The following PADI6 variants were observed in gnomAD, a reference collection of about 807,000 sequenced individuals.
The protein encoded by PADI6 is peptidyl arginine deiminase 6.
Under a neutral mutation model 78.2 loss-of-function variants are expected in PADI6, and 66 were observed. The observed-to-expected ratio is 0.84, with a 90% CI of 0.69 to 1.04. The LOEUF is 1.04. Among genes scored for constraint, PADI6 ranks in the 50% least tolerant of loss-of-function variants. The probability of loss-of-function intolerance (pLI) is 0.00; values close to 1 mark genes in which losing one functional copy is unlikely to be tolerated. For synonymous variants in PADI6, 397 were observed against 346.9 expected, an observed-to-expected ratio of 1.14 and a Z score of -1.60; for missense variants, 854 against 866.1, an observed-to-expected ratio of 0.99 and a Z score of 0.18.
chr1:17,395,209 T>TG (rs2075234328), intron 12 of PADI6, 102 bp downstream of exon 12: 2 of 1,394,858 alleles, frequency 1.4e-6, no homozygotes, highest in South Asian at 2.8e-5. Flanking sequence ...GTTTTTTTTT[T>TG]TTTTTGTTTG....
intron 7 of PADI6, 51 bp from the exon 8 acceptor site, chr1:17,388,726 G>A: frequency 6.4e-7 from 1 of 1,562,518 alleles, no homozygotes; most frequent in Non-Finnish European, 8.8e-7. Flanking sequence ...GGTAAGAGGG[G>A]AGCGAGTAAA....
rs1443729435 is a variant in PADI6 at position 17,397,113 on chromosome 1, G to A, written c.1661G>A (p.Ser554Asn). 4 of 1,613,822 alleles carry A rather than the reference G, an allele frequency of 2.5e-6. No individual in the cohort carries two copies. The highest frequency in any genetic ancestry group is 3.4e-6 in the Non-Finnish European group (4 of 1,179,876). ...KTIDQLLADE[S>N]LKKQNEYVEK... is the part of the protein sequence containing the mutation. ...ATCGACCAACTTCTGGCTGATGAAA[G>A]CCTGAAGAAGCAGAATGAATACGTG... The change falls in exon 14 of 16, where the codon AGC becomes AAC. Residue 554 changes from serine to asparagine, a missense_variant. By Grantham distance (46) the Ser-to-Asn change is conservative. Coordinates refer to ENST00000619609, the MANE Select transcript of PADI6 (RefSeq NM_207421.4).
In PADI6 at chr1:17,394,056, G is replaced by T. The variant is rs754193133; in HGVS notation, c.1156G>T (p.Asp386Tyr). The change falls in exon 10 of 16, where the codon GAT becomes TAT. Residue 386 changes from aspartate (D) to tyrosine (Y), a missense_variant. Transcript: ENST00000619609. ...ILDTPQAADL[D>Y]EFPMKYSLSP... ...CGACACACCTCAGGCCGCCGATCTC[G>T]ATGAGTTCCCCATGAAGTACTCACT... is the stretch of plus-strand genomic sequence containing the variant. 6.2e-7 allele frequency: 1 copy of T among 1,613,742 alleles called. No individual in the cohort carries two copies. Among genetic ancestry groups the T allele is most frequent in the Non-Finnish European group, 8.5e-7 (1 of 1,179,832 alleles).
chr1:17,380,586 G>A (rs1285194579), intron 4 of PADI6, among the ~76,000 whole-genome samples: 1 of 152,160 alleles, frequency 6.6e-6, no homozygotes, highest in Non-Finnish European at 1.5e-5. Flanking sequence ...AGCCAGGATG[G>A]TCTCGAAATC....
intron 15 of PADI6, among the ~76,000 whole-genome samples, chr1:17,400,149 A>G (rs1396914113): frequency 6.6e-6 from 1 of 151,934 alleles, no homozygotes; most frequent in Non-Finnish European, 1.5e-5. Context: ...TGGAGGCTAC[A>G]ATGAGCCACT....
At chr1:17,394,224 C>CT in intron 10 of PADI6, 76 bp from the exon 11 acceptor site, 5 of 1,581,228 alleles carry the variant, frequency 3.2e-6, no homozygotes, top group Non-Finnish European at 4.3e-6. Flanking sequence ...ACCTGAGAGC[C>CT]TGGATTTAGG....
chr1:17,392,814 A>T (rs1028792214), intron 9 of PADI6, among the ~76,000 whole-genome samples: 1 of 152,188 alleles, frequency 6.6e-6, no homozygotes, highest in South Asian at 2.1e-4. Flanking sequence ...TTAAGGAAAC[A>T]AGGAGCTGGC....
chr1:17,400,811 G>A (rs866974178), intron 15 of PADI6, among the ~76,000 whole-genome samples: 3 of 152,306 alleles, frequency 2.0e-5, no homozygotes, highest in Middle Eastern at 3.4e-3. Context: ...TCAGCTCAGT[G>A]TGGTCCGGCA....
chr1:17,395,823 A>C lies in PADI6; in HGVS notation c.1618+160A>C, dbSNP rs1322710224. Among the ~76,000 whole-genome samples, 6 of 152,192 alleles carry C rather than the reference A, an allele frequency of 3.9e-5. No homozygotes were observed. In the East Asian group the frequency reaches 1.2e-3, roughly 29 times the overall value. On this transcript the variant is annotated intron_variant, in intron 13 of 15. Transcript: ENST00000619609. Reference sequence around the variant, plus strand: ...GAACGTCTTATTTCTGGGCTGCTCTAGTGGTACTACAACACAAGTAGACCA... The same window carrying C: ...GAACGTCTTATTTCTGGGCTGCTCTCGTGGTACTACAACACAAGTAGACCA...
chr1:17,395,356 AC>A (rs2075236215), intron 12 of PADI6, among the ~76,000 whole-genome samples, 183 bp from the exon 13 acceptor site: 1 of 151,930 alleles, frequency 6.6e-6, no homozygotes, highest in Non-Finnish European at 1.5e-5. Context: ...GAAACATGCC[AC>A]CACACCTGGC....
At chr1:17,385,448 A>G (rs1031280510) in intron 6 of PADI6, among the ~76,000 whole-genome samples, 2 of 151,920 alleles carry the variant, frequency 1.3e-5, no homozygotes, top group Non-Finnish European at 2.9e-5. Context: ...GAGGGTGGGG[A>G]TCGGTAGGAG....
Position 17,380,055 on chromosome 1 carries a change from G to A in PADI6, c.435+68G>A. On this transcript the variant is annotated intron_variant, in intron 4 of 15. Transcript: ENST00000619609. ...GCCAAATCTGCCCACAGGCTCACTT[G>A]ATCTGACCTTCCTCGTGTCTAGCCC... is the stretch of plus-strand genomic sequence containing the variant. 3.4e-6 allele frequency: 5 copies of A among 1,492,456 alleles called. No individual in the cohort carries two copies. The South Asian group carries it at 4.6e-5, about 14-fold the overall frequency. 92.5% of individuals were successfully genotyped at this position (1,492,456 alleles called of 1,614,324 possible). A position where few individuals can be genotyped will look rare whatever the true frequency, so the allele number is the denominator to read the frequency against.
intron 4 of PADI6, 58 bp downstream of exon 4, chr1:17,380,045 A>AGGCTCAC: frequency 6.5e-7 from 1 of 1,547,072 alleles, no homozygotes; most frequent in Admixed American, 1.7e-5. Flanking sequence ...ATCTGCCCAC[A>AGGCTCAC]GGCTCACTTG....
intron 7 of PADI6, 41 bp downstream of exon 7, chr1:17,388,600 C>A (rs777115141): frequency 2.6e-6 from 4 of 1,539,152 alleles, no homozygotes; most frequent in Non-Finnish European, 3.6e-6. Flanking sequence ...CTAGGATGCT[C>A]CGGTGGGGGA....
intron 15 of PADI6, among the ~76,000 whole-genome samples, chr1:17,400,789 C>T (rs1426124487): frequency 6.6e-6 from 1 of 152,140 alleles, no homozygotes; most frequent in East Asian, 1.9e-4. Flanking sequence ...ACATGGGTGT[C>T]TTCTAACTTG....
At chr1:17,397,522 C>T (rs1480259636) in intron 14 of PADI6, among the ~76,000 whole-genome samples, 3 of 152,124 alleles carry the variant, frequency 2.0e-5, no homozygotes, top group African/African-American at 7.2e-5. Context: ...CTTGCAGATA[C>T]TGTCAGAGGG....
chr1:17,380,938 C>G, intron 4 of PADI6, 109 bp from the exon 5 acceptor site: 1 of 888,004 alleles, frequency 1.1e-6, no homozygotes, highest in Non-Finnish European at 1.7e-6. Flanking sequence ...CCATGGGTCC[C>G]TGTACCCTGG....
At chr1:17,392,933 C>T (rs899121041) in intron 9 of PADI6, among the ~76,000 whole-genome samples, 1 of 152,084 alleles carries the variant, frequency 6.6e-6, no homozygotes, top group African/African-American at 2.4e-5. Context: ...CACTTGAGGT[C>T]AGGAGTTTTA....
chr1:17,391,204 G>A (rs570868743), intron 8 of PADI6, among the ~76,000 whole-genome samples: 119 of 75,396 alleles, frequency 1.6e-3, no homozygotes, highest in Admixed American at 3.3e-3. Flanking sequence ...TGTTTGTTCC[G>A]TTTGTTTAAG....
Sources: allele counts gnomAD v4.1 joint callset (sites outside exome capture counted in the v4.1 genomes callset), GRCh38; gene constraint gnomAD v4.1.1; transcripts MANE v1.5; gene names NCBI Gene and HGNC (gene_info 2026-07-23, HGNC 2026-07-21).